ENTREP2: variants seen among roughly 807,000 people sequenced by gnomAD.
ENTREP2 encodes endosomal transmembrane epsin interactor 2.
the ENTREP2 span, among the ~76,000 whole-genome samples, chr15:29,253,996 A>G: frequency 1.3e-5 from 2 of 152,020 alleles, no homozygotes; most frequent in Admixed American, 1.3e-4. Flanking sequence ...AAATTTTGCA[A>G]AATGAACTCA....
chr15:29,501,868 G>A, the ENTREP2 span, among the ~76,000 whole-genome samples: 2 of 151,820 alleles, frequency 1.3e-5, no homozygotes, highest in African/African-American at 4.8e-5. Context: ...AGTTGTATTT[G>A]TATACACACA....
At chr15:29,472,904 A>T in the ENTREP2 span, among the ~76,000 whole-genome samples, 4 of 152,232 alleles carry the variant, frequency 2.6e-5, no homozygotes, top group African/African-American at 9.6e-5. Context: ...TACTAGAAAG[A>T]GAATAAAAAA....
the ENTREP2 span, among the ~76,000 whole-genome samples, chr15:29,185,720 C>T: frequency 1.3e-5 from 2 of 152,082 alleles, no homozygotes; most frequent in Admixed American, 1.3e-4. Flanking sequence ...CGCCACCACA[C>T]CTGGCTAATT....
At chr15:29,472,425 CACA>C in the ENTREP2 span, among the ~76,000 whole-genome samples, 1 of 121,804 alleles carries the variant, frequency 8.2e-6, no homozygotes, top group East Asian at 2.5e-4. Context: ...ACACACAACA[CACA>C]ACACACACAC....
the ENTREP2 span, among the ~76,000 whole-genome samples, chr15:29,390,390 T>C: frequency 0.065 from 9,791 of 151,788 alleles, 798 homozygotes; most frequent in African/African-American, 0.19. Flanking sequence ...ACGAAGAGGG[T>C]TGGGGAAGAG....
the ENTREP2 span, among the ~76,000 whole-genome samples, chr15:29,440,569 C>G: frequency 6.6e-6 from 1 of 152,292 alleles, no homozygotes; most frequent in East Asian, 1.9e-4. Context: ...TTAATGTCAC[C>G]ACAAATATCC....
the ENTREP2 span, among the ~76,000 whole-genome samples, chr15:29,648,090 ACAT>A: frequency 6.6e-6 from 1 of 151,966 alleles, no homozygotes; most frequent in Non-Finnish European, 1.5e-5. Flanking sequence ...CTCCACCTGA[ACAT>A]CATCATCATT....
chr15:29,123,556 G>C, the ENTREP2 span: 2 of 1,551,776 alleles, frequency 1.3e-6, no homozygotes, highest in Non-Finnish European at 1.7e-6. Flanking sequence ...CGCTGGGAAG[G>C]GCTCTGGTGT....
the ENTREP2 span, among the ~76,000 whole-genome samples, chr15:29,152,783 T>C: frequency 6.6e-6 from 1 of 152,222 alleles, no homozygotes; most frequent in Non-Finnish European, 1.5e-5. Flanking sequence ...TAAGTTTTTG[T>C]TTCTCCGAGA....
At chr15:29,426,068 T>C in the ENTREP2 span, among the ~76,000 whole-genome samples, 3 of 151,276 alleles carry the variant, frequency 2.0e-5, no homozygotes, top group African/African-American at 4.8e-5. Context: ...AATTAAATAA[T>C]TGATTTATTT....
the ENTREP2 span, among the ~76,000 whole-genome samples, chr15:29,405,044 G>A: frequency 5.9e-5 from 9 of 152,116 alleles, no homozygotes; most frequent in African/African-American, 2.2e-4. Flanking sequence ...TCCCTGCCTG[G>A]ACTCCTGGTC....
At chr15:29,476,745 G>A in the ENTREP2 span, among the ~76,000 whole-genome samples, 2 of 152,230 alleles carry the variant, frequency 1.3e-5, no homozygotes, top group Admixed American at 6.5e-5. Context: ...AGAAGCCACA[G>A]AGGTACCAAA....
the ENTREP2 span, among the ~76,000 whole-genome samples, chr15:29,329,903 A>T: frequency 6.6e-6 from 1 of 152,234 alleles, no homozygotes; most frequent in African/African-American, 2.4e-5. Context: ...AAGGGAAAAA[A>T]TTCCAAATAC....
chr15:29,132,341 A>G, the ENTREP2 span, among the ~76,000 whole-genome samples: 1 of 152,238 alleles, frequency 6.6e-6, no homozygotes, highest in Non-Finnish European at 1.5e-5. Context: ...CCAGACTCCC[A>G]GACACGGCCG....
the ENTREP2 span, among the ~76,000 whole-genome samples, chr15:29,310,677 A>G: frequency 1.3e-5 from 2 of 152,124 alleles, no homozygotes; most frequent in Non-Finnish European, 2.9e-5. Context: ...ATCAAGGTGC[A>G]TGGAAGCACA....
At chr15:29,444,206 G>GAAAGAAAGAAAGAAAGAAAGAAAGAAAGA in the ENTREP2 span, among the ~76,000 whole-genome samples, 1 of 144,530 alleles carries the variant, frequency 6.9e-6, no homozygotes, top group African/African-American at 2.7e-5. Context: ...AAGAAAGAAA[G>GAAAGAAAGAAAGAAAGAAAGAAAGAAAGA]AAAGAAAGAA....
the ENTREP2 span, among the ~76,000 whole-genome samples, chr15:29,143,619 G>T: frequency 6.6e-6 from 1 of 152,220 alleles, no homozygotes; most frequent in Non-Finnish European, 1.5e-5. Context: ...TCTGAGAAAA[G>T]AAATTAGTTG....
chr15:29,310,016 G>T, the ENTREP2 span, among the ~76,000 whole-genome samples: 1 of 152,048 alleles, frequency 6.6e-6, no homozygotes, highest in Non-Finnish European at 1.5e-5. Flanking sequence ...TGGACTGAAG[G>T]TCCCTCTCCT....
At chr15:29,419,008 G>C in the ENTREP2 span, among the ~76,000 whole-genome samples, 1 of 152,154 alleles carries the variant, frequency 6.6e-6, no homozygotes, top group Non-Finnish European at 1.5e-5. Flanking sequence ...TTGTAATTAG[G>C]AAACACAAGA....
Sources: allele counts gnomAD v4.1 joint callset (sites outside exome capture counted in the v4.1 genomes callset), GRCh38; gene constraint gnomAD v4.1.1; transcripts MANE v1.5; gene names NCBI Gene and HGNC (gene_info 2026-07-23, HGNC 2026-07-21).